MATN2: variants seen among roughly 807,000 people sequenced by gnomAD.
The protein encoded by MATN2 is matrilin-2.
Under a neutral mutation model 103.2 loss-of-function variants are expected in MATN2, and 69 were observed. The ratio of observed to expected loss-of-function variants is 0.67; its 90% CI spans 0.55 to 0.82. The LOEUF is 0.82. Ranked by LOEUF, MATN2 falls within the 40% of genes least tolerant of loss-of-function variation. The pLI, the probability that MATN2 is intolerant of heterozygous loss-of-function variation, is 0.00. For missense variants in MATN2, 1,023 were observed against 1,211.5 expected (o/e 0.84, Z 2.31); for synonymous variants, 429 against 450.2 (o/e 0.95, Z 0.60).
intron 1 of MATN2, among the ~76,000 whole-genome samples, chr8:97,878,260 G>T (rs1244143706): frequency 2.0e-5 from 3 of 152,072 alleles, no homozygotes; most frequent in Non-Finnish European, 4.4e-5. Context: ...TGTATGTGGG[G>T]TCTTCCAATC....
chr8:97,956,739 C>A (rs1419540821), intron 4 of MATN2, among the ~76,000 whole-genome samples: 3 of 152,152 alleles, frequency 2.0e-5, no homozygotes, highest in Admixed American at 1.3e-4. Context: ...TGCCTCCTAC[C>A]TCACTCTGAG....
intron 3 of MATN2, among the ~76,000 whole-genome samples, chr8:97,933,898 T>C (rs1444847596): frequency 2.0e-5 from 3 of 152,152 alleles, no homozygotes; most frequent in East Asian, 1.9e-4. Flanking sequence ...CTAACATTTA[T>C]AAAGCACTTT....
chr8:98,007,271 G>T lies in MATN2; in HGVS notation c.1450+44G>T. ...CTCTCATAGGGGAAGGTTTGCACCA[G>T]GAGTGAAACCTATGTGACTGCAGAG... On this transcript the variant is annotated intron_variant, in intron 9 of 18. Transcript: ENST00000254898. The surrounding 1 kb of genome is among the most constrained non-coding windows in gnomAD (Gnocchi z 4.2). 1 of 1,611,636 alleles carries T rather than the reference G, an allele frequency of 6.2e-7. No individual in the cohort carries two copies. The highest frequency in any genetic ancestry group is 1.3e-5 in the African/African-American group (1 of 74,992).
Position 97,931,456 on chromosome 8 carries a change from G to A in MATN2, c.646G>A (p.Val216Ile), listed in dbSNP as rs1810192588. The A allele has an allele frequency of 6.2e-7, 1 of 1,613,642 alleles. No individual in the cohort carries two copies. Among genetic ancestry groups the A allele is most frequent in the African/African-American group, 1.3e-5 (1 of 75,036 alleles). ...SIGSEPHEDHVFLVANFSQIE... is the reference protein window; with the variant it reads ...SIGSEPHEDHIFLVANFSQIE... ...TGGGAGTGAGCCCCATGAGGACCAT[G>A]TCTTCCTTGTGGCCAATTTCAGCCA... Residue 216 changes from valine (V) to isoleucine (I), a missense_variant, in exon 3 of 19, where the codon GTC becomes ATC. Coordinates refer to ENST00000254898, the MANE Select transcript of MATN2 (RefSeq NM_002380.5). This position sits in a 1 kb window ranked among gnomAD's most constrained non-coding sequence, Gnocchi z 4.1.
chr8:97,913,950 G>T (rs1169173040), intron 2 of MATN2, among the ~76,000 whole-genome samples: 1 of 152,164 alleles, frequency 6.6e-6, no homozygotes, highest in African/African-American at 2.4e-5. Context: ...GATTAAATAG[G>T]TAGAGGAGTT....
At chr8:97,870,247 G>T (rs945550752) in intron 1 of MATN2, among the ~76,000 whole-genome samples, 3 of 152,142 alleles carry the variant, frequency 2.0e-5, no homozygotes, top group Non-Finnish European at 2.9e-5. Context: ...GGCCGGGCAC[G>T]GTGGCTCAGG....
At chr8:97,892,581 G>A (rs1818669770) in intron 2 of MATN2, among the ~76,000 whole-genome samples, 2 of 152,130 alleles carry the variant, frequency 1.3e-5, no homozygotes, top group Non-Finnish European at 2.9e-5. Flanking sequence ...ATATGTAGTT[G>A]GAAAAGGGAA....
At chr8:97,991,646 C>T (rs533572602) in intron 6 of MATN2, among the ~76,000 whole-genome samples, 1 of 151,828 alleles carries the variant, frequency 6.6e-6, no homozygotes, top group East Asian at 1.9e-4. Context: ...TGCTTGAACC[C>T]GGGAGGCGGA....
intron 2 of MATN2, 68 bp downstream of exon 2, chr8:97,888,310 G>A: frequency 7.2e-7 from 1 of 1,384,310 alleles, no homozygotes; most frequent in Non-Finnish European, 9.3e-7. Context: ...CAGGGACAGG[G>A]ATTGGTGACT....
rs1164278510 is a variant in MATN2, at chr8:97,869,288, GTGAGCGCGGCGCGCTTTCCCCCGGCT to G, written c.-27+2_-27+27del. On this transcript the variant is annotated splice_donor_variant and splice_donor_5th_base_variant and intron_variant, in intron 1 of 18. Coordinates refer to ENST00000254898, the MANE Select transcript of MATN2 (RefSeq NM_002380.5). LOFTEE classifies it low-confidence loss of function (5UTR_SPLICE). ...GCTTCCCAGGCGCCGGCGGCTGCAG[GTGAGCGCGGCGCGCTTTCCCCCGGCT>G]CTGCGCGGCCGGGCGGCCTCGAAGT... The G allele has an allele frequency of 6.6e-6, 1 of 152,252 alleles. No individual in the cohort carries two copies. Among genetic ancestry groups the G allele is most frequent in the Non-Finnish European group, 1.5e-5 (1 of 68,076 alleles). The allele number at this position is 152,252 out of a possible 1,614,324, so 9.4% of individuals were successfully genotyped here. A position where few individuals can be genotyped will look rare whatever the true frequency, so the allele number is the denominator to read the frequency against.
intron 6 of MATN2, 28 bp from the exon 7 acceptor site, chr8:97,994,452 C>T: frequency 6.3e-7 from 1 of 1,590,082 alleles, no homozygotes. Flanking sequence ...ATTGGTTTGC[C>T]ATTCTTGTGA....
intron 6 of MATN2, among the ~76,000 whole-genome samples, chr8:97,984,076 C>T (rs1329413910): frequency 6.6e-6 from 1 of 152,216 alleles, no homozygotes; most frequent in Non-Finnish European, 1.5e-5. Context: ...ACTTTTGTGA[C>T]TCCCTATGTG....
At chr8:97,976,177 T>G (rs529030055) in intron 5 of MATN2, among the ~76,000 whole-genome samples, 1 of 151,792 alleles carries the variant, frequency 6.6e-6, no homozygotes, top group Non-Finnish European at 1.5e-5. Context: ...TGGGCTGGAA[T>G]GTAGTGGTGC....
At position 98,003,518 on chromosome 8, in the gene MATN2, G is replaced by A. The variant is rs944734199; in HGVS notation, c.1205-143G>A. The A allele has an allele frequency of 8.4e-5, 69 of 824,096 alleles. 1 individual carries two copies. Among genetic ancestry groups the A allele is most frequent in the East Asian group, 2.4e-4 (9 of 37,904 alleles). The allele number at this position is 824,096 out of a possible 1,614,324, so 51.0% of individuals were successfully genotyped here. Reference sequence around the variant, plus strand: ...CCTGGCACTTGGCTGGCAGACAAACGAATGAATGATCCGTCCCGGCTTGCC... The same window carrying A: ...CCTGGCACTTGGCTGGCAGACAAACAAATGAATGATCCGTCCCGGCTTGCC... On this transcript the variant is annotated intron_variant, in intron 7 of 18. Coordinates refer to ENST00000254898, the MANE Select transcript of MATN2 (RefSeq NM_002380.5).
chr8:97,883,508 C>T (rs910514982), intron 1 of MATN2, among the ~76,000 whole-genome samples: 9 of 151,414 alleles, frequency 5.9e-5, no homozygotes, highest in African/African-American at 2.2e-4. Flanking sequence ...CAGTCTCAGC[C>T]TCCCAAGTAG....
At chr8:97,876,164 A>T (rs1818061389) in intron 1 of MATN2, among the ~76,000 whole-genome samples, 1 of 147,458 alleles carries the variant, frequency 6.8e-6, no homozygotes, top group Non-Finnish European at 1.5e-5. Context: ...GGCATGTGCC[A>T]CCACGCTTGG....
intron 12 of MATN2, 146 bp downstream of exon 12, chr8:98,018,262 A>C (rs1813443708): frequency 1.9e-6 from 2 of 1,044,802 alleles, no homozygotes; most frequent in Admixed American, 4.5e-5. Flanking sequence ...GTTTAGCTAG[A>C]GATCAGTTCA....
At chr8:97,919,501 G>A (rs911676893) in intron 2 of MATN2, among the ~76,000 whole-genome samples, 2 of 152,106 alleles carry the variant, frequency 1.3e-5, no homozygotes, top group Admixed American at 6.6e-5. Flanking sequence ...CAAAGTGCTG[G>A]GATTACAGGC....
At chr8:97,913,615 ATTT>A (rs34387422) in intron 2 of MATN2, among the ~76,000 whole-genome samples, 3 of 121,812 alleles carry the variant, frequency 2.5e-5, no homozygotes, top group Middle Eastern at 5.3e-3. Flanking sequence ...GCACCCTGCC[ATTT>A]TTTTTTTTTT....
Sources: allele counts gnomAD v4.1 joint callset (sites outside exome capture counted in the v4.1 genomes callset), GRCh38; gene constraint gnomAD v4.1.1; non-coding constraint Gnocchi (gnomAD v3.1); transcripts MANE v1.5; gene names NCBI Gene and HGNC (gene_info 2026-07-23, HGNC 2026-07-21).